Variants in TNS2 observed in about 807,000 individuals in gnomAD.
The protein encoded by TNS2 is tensin-2.
A neutral mutation model predicts 155.7 loss-of-function variants in TNS2; 77 were observed. The ratio of observed to expected loss-of-function variants is 0.49; its 90% CI spans 0.41 to 0.60. The LOEUF (loss-of-function observed/expected upper bound fraction) is 0.60, where lower values mean the gene tolerates loss of function less well. Ranked by LOEUF, TNS2 falls within the 20% of genes least tolerant of loss-of-function variation. The probability of loss-of-function intolerance (pLI) is 0.00; values close to 1 mark genes in which losing one functional copy is unlikely to be tolerated. For synonymous variants in TNS2, 726 were observed against 763.9 expected, an observed-to-expected ratio of 0.95 and a Z score of 0.82; for missense variants, 1,703 against 1,868.8, an observed-to-expected ratio of 0.91 and a Z score of 1.64.
At chr12:53,048,899 T>C (rs1943820661), upstream of TNS2, 5 of 347,984 alleles carry the variant, frequency 1.4e-5, no homozygotes, top group East Asian at 2.6e-4. Context: ...GGGAGTTGCC[T>C]GAGTACTGGG....
At chr12:53,052,663 T>C (rs1200648346) in intron 3 of TNS2, among the ~76,000 whole-genome samples, 171 bp downstream of exon 3, 3 of 151,654 alleles carry the variant, frequency 2.0e-5, no homozygotes, top group African/African-American at 7.3e-5. Context: ...AGAACCACCC[T>C]ACTCCGCCTT....
Position 53,058,843 on chromosome 12 carries a change from G to T in TNS2, c.1405+16G>T, listed in dbSNP as rs756142603. On this transcript the variant is annotated intron_variant, in intron 17 of 28. Transcript: ENST00000314250. ...AGTGTGGATGGTGCGCAGGCAGCCT[G>T]CAGGGTGGGAGGTACAGGGTTGTGG... The T allele has an allele frequency of 2.5e-6, 4 of 1,611,560 alleles. No individual in the cohort carries two copies. The highest frequency in any genetic ancestry group is 3.4e-6 in the Non-Finnish European group (4 of 1,179,612).
Position 53,060,638 on chromosome 12 carries a change from G to C in TNS2, c.2769-37G>C. 1.3e-6 allele frequency: 2 copies of C among 1,587,306 alleles called. No individual in the cohort carries two copies. The highest frequency in any genetic ancestry group is 2.2e-5 in the South Asian group (2 of 89,266). ...CAGGTGGGGTGGGAGCAGCCACAAT[G>C]GGGGCTCTGCTGACCATCTGCCCTT... On this transcript the variant is annotated intron_variant, in intron 19 of 28. Transcript: ENST00000314250. The surrounding 1 kb of genome is among the most constrained non-coding windows in gnomAD (Gnocchi z 6.1).
At chr12:53,058,148 G>C in intron 14 of TNS2, 46 bp downstream of exon 14, 1 of 1,613,462 alleles carries the variant, frequency 6.2e-7, no homozygotes, top group Non-Finnish European at 8.5e-7. Flanking sequence ...GATGGGGCAG[G>C]GGTTGGTGGT....
At chr12:53,047,363 G>T (rs1486803087), upstream of TNS2, among the ~76,000 whole-genome samples, 8 of 145,716 alleles carry the variant, frequency 5.5e-5, no homozygotes, top group African/African-American at 2.0e-4. Context: ...CCGGCCGGGC[G>T]CCCCCCGCAG....
At chr12:53,062,013 G>A in intron 22 of TNS2, 73 bp downstream of exon 22, 1 of 1,611,306 alleles carries the variant, frequency 6.2e-7, no homozygotes, top group East Asian at 2.2e-5. Flanking sequence ...TAACAGGGCA[G>A]GTGGGGGTGC....
rs1944030131 is a variant in TNS2, at chr12:53,053,821, A to T, written c.300+9A>T. Reference sequence around the variant, plus strand: ...GGCGCATAGAGCACCTGGTAAGGTGATGCTGGAGCAGGAGGGGGAAGCAGG... The same window carrying T: ...GGCGCATAGAGCACCTGGTAAGGTGTTGCTGGAGCAGGAGGGGGAAGCAGG... On this transcript the variant is annotated intron_variant, in intron 5 of 28. Coordinates refer to ENST00000314250, the MANE Select transcript of TNS2 (RefSeq NM_170754.4). The T allele has an allele frequency of 3.1e-6, 5 of 1,613,354 alleles. No homozygotes were observed. The East Asian group carries it at 8.9e-5, about 29-fold the overall frequency.
intron 16 of TNS2, 26 bp downstream of exon 16, chr12:53,058,663 A>T: frequency 6.2e-7 from 1 of 1,613,604 alleles, no homozygotes; most frequent in Non-Finnish European, 8.5e-7. Flanking sequence ...TGGGCTGGGG[A>T]CTGAGGGCCG....
chr12:53,057,562 A>G lies in TNS2; in HGVS notation c.846-5A>G, dbSNP rs774995168. ...TTATGTTCTCCTTGACACGCCCTCC[A>G]CCAGATATATCAGCTACTTCAGTGG... On this transcript the variant is annotated splice_region_variant and splice_polypyrimidine_tract_variant and intron_variant, in intron 11 of 28. Transcript: ENST00000314250. 3 of 1,606,802 alleles carry G rather than the reference A, an allele frequency of 1.9e-6. No homozygotes were observed. Among genetic ancestry groups the G allele is most frequent in the Middle Eastern group, 1.7e-4 (1 of 6,044 alleles).
upstream of TNS2, among the ~76,000 whole-genome samples, chr12:53,047,350 C>A (rs1943759231): frequency 1.4e-5 from 2 of 145,838 alleles, no homozygotes; most frequent in African/African-American, 2.5e-5. Flanking sequence ...GCCGCGCCCC[C>A]GCCCGGCCGG....
In TNS2 at chr12:53,060,638, G is replaced by A; in HGVS notation, c.2769-37G>A. 6.3e-7 allele frequency: 1 copy of A among 1,587,306 alleles called. No individual in the cohort carries two copies. The highest frequency in any genetic ancestry group is 1.1e-5 in the South Asian group (1 of 89,266). On this transcript the variant is annotated intron_variant, in intron 19 of 28. Coordinates refer to ENST00000314250, the MANE Select transcript of TNS2 (RefSeq NM_170754.4). The surrounding 1 kb of genome is among the most constrained non-coding windows in gnomAD (Gnocchi z 6.1). ...CAGGTGGGGTGGGAGCAGCCACAATGGGGGCTCTGCTGACCATCTGCCCTT... is the reference window on the plus strand; with the variant it reads ...CAGGTGGGGTGGGAGCAGCCACAATAGGGGCTCTGCTGACCATCTGCCCTT...
rs1247266230 is a variant in TNS2 at position 53,063,298 on chromosome 12, C to G, written c.3992+41C>G. ...CCTGTAGAACCCCATGCTTAAGGCC[C>G]CTGGGGGCTCATGTTTCTGAGTGTG... On this transcript the variant is annotated intron_variant, in intron 26 of 28. Coordinates refer to ENST00000314250, the MANE Select transcript of TNS2 (RefSeq NM_170754.4). This position sits in a 1 kb window ranked among gnomAD's most constrained non-coding sequence, Gnocchi z 5.6. 1 of 1,613,964 alleles carries G rather than the reference C, an allele frequency of 6.2e-7. No homozygotes were observed. The highest frequency in any genetic ancestry group is 1.7e-5 in the Admixed American group (1 of 60,014).
Position 53,055,190 on chromosome 12 carries a change from T to C in TNS2, c.527T>C (p.Phe176Ser). The stretch of plus-strand genomic sequence containing the variant: ...AGCCCTCCCCCTTTATTTCAGCTCT[T>C]CAACCTTTCAGAGAAAAGGCATGAC... ...QSKHRDKYLL[F>S]NLSEKRHDLT... Residue 176 changes from phenylalanine to serine, a missense_variant, in exon 8 of 29, where the codon TTC becomes TCC. Coordinates refer to ENST00000314250, the MANE Select transcript of TNS2 (RefSeq NM_170754.4). 6.2e-7 allele frequency: 1 copy of C among 1,613,990 alleles called. No homozygotes were observed. Among genetic ancestry groups the C allele is most frequent in the East Asian group, 2.2e-5 (1 of 44,884 alleles).
Position 53,052,564 on chromosome 12 carries a change from A to G in TNS2, c.222+72A>G. The G allele has an allele frequency of 2.5e-6, 4 of 1,593,052 alleles. No homozygotes were observed. The South Asian group carries it at 4.4e-5, about 18-fold the overall frequency. ...TTCCTCCTCCCAAACAGGCTTCTGCAACCACACTGGCATCAACCCTCCACC... is the reference window on the plus strand; with the variant it reads ...TTCCTCCTCCCAAACAGGCTTCTGCGACCACACTGGCATCAACCCTCCACC... On this transcript the variant is annotated intron_variant, in intron 3 of 28. Coordinates refer to ENST00000314250, the MANE Select transcript of TNS2 (RefSeq NM_170754.4).
In TNS2 at chr12:53,058,554, A is replaced by G. The variant is rs750462358; in HGVS notation, c.1226-18A>G. ...GTATGGGCCAGGGGCCTGGTTCTTC[A>G]CTGTCCACTCCCCATAGATGAGAGG... On this transcript the variant is annotated intron_variant, in intron 15 of 28. Coordinates refer to ENST00000314250, the MANE Select transcript of TNS2 (RefSeq NM_170754.4). 2.5e-6 allele frequency: 4 copies of G among 1,613,938 alleles called. No homozygotes were observed. Among genetic ancestry groups the G allele is most frequent in the East Asian group, 2.2e-5 (1 of 44,858 alleles).
At chr12:53,062,501 G>A in intron 24 of TNS2, 48 bp downstream of exon 24, 1 of 1,610,584 alleles carries the variant, frequency 6.2e-7, no homozygotes, top group Non-Finnish European at 8.5e-7. Flanking sequence ...ACCCCCTGCA[G>A]CCAAAGCAGG....
At chr12:53,047,175 A>ACGGGCG (rs141050814), upstream of TNS2, 54,718 of 143,662 alleles carry the variant, frequency 0.38, 13,103 homozygotes, top group Non-Finnish European at 0.55. Context: ...GCGGGCTGCC[A>ACGGGCG]CGGGCGCGGG....
At chr12:53,055,753 C>T in intron 9 of TNS2, 28 bp from the exon 10 acceptor site, 1 of 1,614,242 alleles carries the variant, frequency 6.2e-7, no homozygotes, top group Non-Finnish European at 8.5e-7. Context: ...AGCTCCCAGA[C>T]CCTCATCCCT....
At chr12:53,052,156 G>A (rs182708118) in intron 2 of TNS2, 193 bp downstream of exon 2, 50 of 609,680 alleles carry the variant, frequency 8.2e-5, no homozygotes, top group Middle Eastern at 4.4e-4. Context: ...CCATAACCCA[G>A]GAGAGCCAGT....
Sources: allele counts gnomAD v4.1 joint callset (sites outside exome capture counted in the v4.1 genomes callset), GRCh38; gene constraint gnomAD v4.1.1; non-coding constraint Gnocchi (gnomAD v3.1); transcripts MANE v1.5; gene names NCBI Gene and HGNC (gene_info 2026-07-23, HGNC 2026-07-21).